Variants in IGF2BP3 observed in about 807,000 individuals in gnomAD.
IGF2BP3 encodes the protein insulin-like growth factor 2 mRNA-binding protein 3.
Under a neutral mutation model 73.8 loss-of-function variants are expected in IGF2BP3, and 9 were observed. The observed-to-expected ratio is 0.12, with a 90% CI of 0.07 to 0.21. The LOEUF is 0.21. Among genes scored for constraint, IGF2BP3 ranks in the 10% least tolerant of loss-of-function variants. IGF2BP3 has a pLI of 1.00. For synonymous variants in IGF2BP3, 258 were observed against 256.7 expected (o/e 1.01, Z -0.05); for missense variants, 542 against 714.0 (o/e 0.76, Z 2.75).
chr7:23,313,290 TTATAAA>T (rs1486495740), intron 13 of IGF2BP3, among the ~76,000 whole-genome samples: 6 of 152,212 alleles, frequency 3.9e-5, no homozygotes, highest in Admixed American at 2.6e-4. Flanking sequence ...TAAATGCCCT[TTATAAA>T]TATAGGACAA....
At chr7:23,421,908 C>T (rs974584426) in intron 2 of IGF2BP3, among the ~76,000 whole-genome samples, 18 of 151,902 alleles carry the variant, frequency 1.2e-4, no homozygotes, top group African/African-American at 4.4e-4. Context: ...CCTCTTCCTC[C>T]GGAGTAGCTG....
At chr7:23,387,132 T>C (rs1173765395) in intron 3 of IGF2BP3, among the ~76,000 whole-genome samples, 2 of 151,942 alleles carry the variant, frequency 1.3e-5, no homozygotes, top group Admixed American at 6.6e-5. Context: ...TTGGTTAACA[T>C]CAACATCAGT....
intron 2 of IGF2BP3, among the ~76,000 whole-genome samples, chr7:23,446,451 T>C (rs1788066784): frequency 6.6e-6 from 1 of 152,002 alleles, no homozygotes. Flanking sequence ...AAATCCCAGC[T>C]ATTCGGGAGG....
intron 5 of IGF2BP3, among the ~76,000 whole-genome samples, chr7:23,354,808 T>A (rs970625105): frequency 6.6e-6 from 1 of 152,210 alleles, no homozygotes; most frequent in Non-Finnish European, 1.5e-5. Context: ...CCAGGCAGAA[T>A]GCAGACAGCC....
chr7:23,341,005 A>G (rs1171092216), intron 10 of IGF2BP3, among the ~76,000 whole-genome samples: 1 of 150,490 alleles, frequency 6.6e-6, no homozygotes, highest in Non-Finnish European at 1.5e-5. Context: ...ACCTGCCACC[A>G]CTCCGGCTAA....
At chr7:23,433,320 A>G (rs1047590269) in intron 2 of IGF2BP3, among the ~76,000 whole-genome samples, 1 of 152,196 alleles carries the variant, frequency 6.6e-6, no homozygotes, top group Non-Finnish European at 1.5e-5. Context: ...AGAAGCCACT[A>G]GCCACATGTG....
At chr7:23,392,488 A>G (rs1279344454) in intron 3 of IGF2BP3, among the ~76,000 whole-genome samples, 1 of 151,186 alleles carries the variant, frequency 6.6e-6, no homozygotes, top group Non-Finnish European at 1.5e-5. Flanking sequence ...ATATATATAC[A>G]CACATACACA....
At chr7:23,455,451 G>A (rs1403851981) in intron 2 of IGF2BP3, among the ~76,000 whole-genome samples, 2 of 152,140 alleles carry the variant, frequency 1.3e-5, no homozygotes, top group African/African-American at 4.8e-5. Context: ...ATTTCTCACT[G>A]GTAACAACCA....
chr7:23,389,162 T>A (rs996102130), intron 3 of IGF2BP3, among the ~76,000 whole-genome samples: 3 of 53,154 alleles, frequency 5.6e-5, no homozygotes, highest in Non-Finnish European at 1.9e-4. Context: ...TATTCCCTTT[T>A]TTTTTTTTTT....
At chr7:23,318,371 T>C (rs1216342560) in intron 11 of IGF2BP3, among the ~76,000 whole-genome samples, 5 of 151,950 alleles carry the variant, frequency 3.3e-5, no homozygotes, top group African/African-American at 9.7e-5. Flanking sequence ...TACAGGTGTG[T>C]GCCACCATGC....
At chr7:23,330,229 T>A (rs1294296165) in intron 10 of IGF2BP3, among the ~76,000 whole-genome samples, 1 of 151,760 alleles carries the variant, frequency 6.6e-6, no homozygotes, top group African/African-American at 2.4e-5. Flanking sequence ...GAGGCTACAG[T>A]GAGCAGAGAT....
chr7:23,323,891 T>C (rs1323652461), intron 10 of IGF2BP3, among the ~76,000 whole-genome samples: 15 of 151,502 alleles, frequency 9.9e-5, no homozygotes, highest in African/African-American at 2.7e-4. Context: ...AGACACAACA[T>C]ACCAGAATCT....
intron 10 of IGF2BP3, among the ~76,000 whole-genome samples, chr7:23,340,341 C>G (rs2128500519): frequency 6.6e-6 from 1 of 152,224 alleles, no homozygotes; most frequent in African/African-American, 2.4e-5. Flanking sequence ...ACAGTAAAGG[C>G]AGAAACACAC....
At chr7:23,425,005 A>G (rs1467573266) in intron 2 of IGF2BP3, among the ~76,000 whole-genome samples, 4 of 152,250 alleles carry the variant, frequency 2.6e-5, no homozygotes, top group African/African-American at 9.6e-5. Context: ...GAACTACTCC[A>G]GTAAACAACA....
intron 3 of IGF2BP3, among the ~76,000 whole-genome samples, chr7:23,375,402 T>G (rs7796899): frequency 0.018 from 2,773 of 152,162 alleles, 87 homozygotes; most frequent in African/African-American, 0.062. Context: ...TGCCACACAG[T>G]CTGGGGGAGT....
chr7:23,347,497 T>C, intron 7 of IGF2BP3, 103 bp downstream of exon 7: 1 of 1,244,914 alleles, frequency 8.0e-7, no homozygotes, highest in Non-Finnish European at 1.1e-6. Context: ...CAGGATATCA[T>C]TTCCCTCTGT....
intron 10 of IGF2BP3, among the ~76,000 whole-genome samples, chr7:23,332,558 T>C (rs1246143901): frequency 1.3e-5 from 2 of 152,250 alleles, no homozygotes. Context: ...GGGCCTGTCC[T>C]GCACAGCTTG....
chr7:23,451,752 C>T (rs147888114), intron 2 of IGF2BP3, among the ~76,000 whole-genome samples: 2,415 of 152,038 alleles, frequency 0.016, 75 homozygotes, highest in African/African-American at 0.055. Context: ...AGCTCGAGAC[C>T]AGCCTGGCCA....
At chr7:23,368,889 C>T (rs530705104) in intron 3 of IGF2BP3, among the ~76,000 whole-genome samples, 57 of 148,002 alleles carry the variant, frequency 3.9e-4, no homozygotes, top group African/African-American at 1.4e-3. Flanking sequence ...GAGAGCAAAA[C>T]TTTGTCTCAA....
Sources: allele counts gnomAD v4.1 joint callset (sites outside exome capture counted in the v4.1 genomes callset), GRCh38; gene constraint gnomAD v4.1.1; transcripts MANE v1.5; gene names NCBI Gene and HGNC (gene_info 2026-07-23, HGNC 2026-07-21).